The following HDAC9 variants were observed in gnomAD, a reference collection of about 807,000 sequenced individuals.
HDAC9 encodes the protein histone deacetylase 9.
HDAC9 carries 41 observed loss-of-function variants against 139.4 expected under a neutral mutation model. The observed-to-expected ratio is 0.29, with a 90% CI of 0.23 to 0.38. The LOEUF is 0.38. HDAC9 is among the 10% of genes least tolerant of loss of function. The probability of loss-of-function intolerance (pLI) is 1.00; values close to 1 mark genes in which losing one functional copy is unlikely to be tolerated. For synonymous variants in HDAC9, 517 were observed against 476.2 expected, an observed-to-expected ratio of 1.09 and a Z score of -1.12; for missense variants, 1,147 against 1,297.0, an observed-to-expected ratio of 0.88 and a Z score of 1.78.
intron 11 of HDAC9, among the ~76,000 whole-genome samples, chr7:18,659,004 T>C (rs1792265479): frequency 6.6e-6 from 1 of 152,086 alleles, no homozygotes; most frequent in South Asian, 2.1e-4. Context: ...ATGAGTTGCA[T>C]TGAAGTTCAC....
At chr7:18,994,627 C>G (rs1786308267) in intron 25 of HDAC9, among the ~76,000 whole-genome samples, 1 of 152,010 alleles carries the variant, frequency 6.6e-6, no homozygotes, top group Non-Finnish European at 1.5e-5. Context: ...TAAAAGGATG[C>G]TTTAAAAATT....
intron 2 of HDAC9, among the ~76,000 whole-genome samples, chr7:18,511,835 A>G (rs1360293521): frequency 1.3e-5 from 2 of 152,124 alleles, no homozygotes; most frequent in African/African-American, 4.8e-5. Flanking sequence ...AATCTTAAAG[A>G]TGAAAATGGT....
chr7:18,488,528 T>C (rs1366754240), intron 1 of HDAC9, among the ~76,000 whole-genome samples: 2 of 152,026 alleles, frequency 1.3e-5, no homozygotes, highest in Admixed American at 6.6e-5. Flanking sequence ...AAGTTGGGTC[T>C]GAAGCTGTAA....
intron 2 of HDAC9, 89 bp from the exon 3 acceptor site, chr7:18,585,186 TCTTATA>T (rs960424185): frequency 2.9e-5 from 40 of 1,380,494 alleles, no homozygotes; most frequent in Non-Finnish European, 3.9e-5. Flanking sequence ...TTGTACAGGG[TCTTATA>T]CTTTTTATTT....
intron 2 of HDAC9, among the ~76,000 whole-genome samples, chr7:18,529,546 G>A (rs1389105581): frequency 6.6e-6 from 1 of 152,130 alleles, no homozygotes; most frequent in Non-Finnish European, 1.5e-5. Context: ...GGGTTTGTTT[G>A]TTAAAAGAAT....
At chr7:18,415,440 C>G (rs1354188612) in intron 1 of HDAC9, among the ~76,000 whole-genome samples, 1 of 152,120 alleles carries the variant, frequency 6.6e-6, no homozygotes, top group African/African-American at 2.4e-5. Flanking sequence ...ACAACTTGGT[C>G]CAGTGGCAAT....
chr7:18,857,792 A>C (rs1287925954), intron 21 of HDAC9, among the ~76,000 whole-genome samples: 2 of 152,146 alleles, frequency 1.3e-5, no homozygotes, highest in Non-Finnish European at 2.9e-5. Context: ...GAAAAAATCT[A>C]TGAAAAGACA....
At chr7:18,363,753 G>A (rs1193512098) in intron 1 of HDAC9, among the ~76,000 whole-genome samples, 1 of 152,122 alleles carries the variant, frequency 6.6e-6, no homozygotes, top group Non-Finnish European at 1.5e-5. Flanking sequence ...GACAAACGGG[G>A]ACATTACCAG....
intron 2 of HDAC9, among the ~76,000 whole-genome samples, chr7:18,279,596 G>T (rs1015931149): frequency 3.9e-5 from 6 of 151,938 alleles, no homozygotes; most frequent in African/African-American, 9.7e-5. Context: ...CTCCTGAGTA[G>T]CTGGGACTAC....
chr7:18,087,865 C>G (rs1013734989), intron 1 of HDAC9: 1 of 152,422 alleles, frequency 6.6e-6, no homozygotes. Flanking sequence ...GCTTTGAAGC[C>G]GTTATCCCCT....
chr7:18,859,411 T>A (rs1246021386), intron 21 of HDAC9, among the ~76,000 whole-genome samples: 2 of 152,144 alleles, frequency 1.3e-5, no homozygotes, highest in Non-Finnish European at 2.9e-5. Context: ...AGCCTGACTC[T>A]GCACTTCAGA....
intron 1 of HDAC9, among the ~76,000 whole-genome samples, chr7:18,112,246 C>A (rs1297851916): frequency 6.6e-6 from 1 of 152,032 alleles, no homozygotes; most frequent in Non-Finnish European, 1.5e-5. Context: ...TGAAATTAGC[C>A]AAAGTGAGAG....
intron 1 of HDAC9, among the ~76,000 whole-genome samples, chr7:18,420,047 T>C (rs1049791853): frequency 6.6e-6 from 1 of 152,116 alleles, no homozygotes; most frequent in Non-Finnish European, 1.5e-5. Context: ...CTATAGAAAT[T>C]GTTGGGAAAG....
chr7:18,652,565 A>G (rs576818170), intron 11 of HDAC9, among the ~76,000 whole-genome samples: 2 of 152,066 alleles, frequency 1.3e-5, no homozygotes, highest in Non-Finnish European at 2.9e-5. Flanking sequence ...CTCTTTAGGC[A>G]TTTTTGTTGT....
At chr7:18,512,482 A>T (rs1290842179) in intron 2 of HDAC9, among the ~76,000 whole-genome samples, 1 of 152,196 alleles carries the variant, frequency 6.6e-6, no homozygotes, top group African/African-American at 2.4e-5. Context: ...AGAAAACTTG[A>T]TCAGATTTGA....
At chr7:18,653,648 T>C (rs1790098554) in intron 11 of HDAC9, among the ~76,000 whole-genome samples, 1 of 152,148 alleles carries the variant, frequency 6.6e-6, no homozygotes, top group Non-Finnish European at 1.5e-5. Flanking sequence ...ACAAGACCAG[T>C]AAATGTGAGG....
At chr7:18,787,435 A>G (rs1791916554) in intron 16 of HDAC9, among the ~76,000 whole-genome samples, 1 of 152,234 alleles carries the variant, frequency 6.6e-6, no homozygotes, top group South Asian at 2.1e-4. Context: ...CAAAACTGAT[A>G]GATTTTAATT....
At chr7:18,542,330 A>C (rs575583119) in intron 2 of HDAC9, among the ~76,000 whole-genome samples, 9 of 152,232 alleles carry the variant, frequency 5.9e-5, no homozygotes, top group Non-Finnish European at 1.3e-4. Context: ...TCTATACCTC[A>C]ATTTCCTCAT....
At chr7:18,416,957 T>A (rs1388985372) in intron 1 of HDAC9, among the ~76,000 whole-genome samples, 1 of 152,178 alleles carries the variant, frequency 6.6e-6, no homozygotes, top group African/African-American at 2.4e-5. Context: ...TTCTTTATGC[T>A]TCTTGTGCTT....
Sources: allele counts gnomAD v4.1 joint callset (sites outside exome capture counted in the v4.1 genomes callset), GRCh38; gene constraint gnomAD v4.1.1; transcripts MANE v1.5; gene names NCBI Gene and HGNC (gene_info 2026-07-23, HGNC 2026-07-21).